The following STK40 variants were observed in gnomAD, a reference collection of about 807,000 sequenced individuals.
STK40 encodes serine/threonine-protein kinase 40.
A neutral mutation model predicts 47.9 loss-of-function variants in STK40; 13 were observed. The ratio of observed to expected loss-of-function variants is 0.27; its 90% CI spans 0.18 to 0.43. The LOEUF (loss-of-function observed/expected upper bound fraction) is 0.43. STK40 is among the 20% of genes least tolerant of loss of function. STK40 has a pLI of 1.00. For missense variants in STK40, 460 were observed against 595.1 expected (o/e 0.77, Z 2.36); for synonymous variants, 225 against 243.2 (o/e 0.93, Z 0.69).
rs566298818 is a variant in STK40, at chr1:36,354,445, T to C, written c.571-29A>G. ...TAAAACAACAGGCGTATGGTTTACA[T>C]TGTCAATGTGAGAGGTGGGGTCAGG... On this transcript the variant is annotated intron_variant, in intron 5 of 10. Coordinates refer to ENST00000373132, the MANE Select transcript of STK40 (RefSeq NM_001282547.2). The C allele has an allele frequency of 3.5e-5, 56 of 1,613,420 alleles. No individual in the cohort carries two copies. In the South Asian group the frequency reaches 3.6e-4, roughly 10 times the overall value.
intron 1 of STK40, chr1:36,362,788 TAA>T (rs2124740621): frequency 6.6e-6 from 1 of 152,342 alleles, no homozygotes; most frequent in South Asian, 2.1e-4. Context: ...TATGCTTATA[TAA>T]AGTTTTATTA....
intron 7 of STK40, among the ~76,000 whole-genome samples, chr1:36,345,991 A>ATATATATATATAT: frequency 1.1e-4 from 3 of 26,466 alleles, no homozygotes; most frequent in African/African-American, 4.2e-4. Flanking sequence ...ATATATATAT[A>ATATATATATATAT]TTTTTTTTTT....
intron 1 of STK40, among the ~76,000 whole-genome samples, chr1:36,364,855 G>A (rs991564034): frequency 6.6e-6 from 1 of 151,916 alleles, no homozygotes; most frequent in Non-Finnish European, 1.5e-5. Context: ...GACTTTTTAT[G>A]TAGTTAAATA....
At chr1:36,381,748 CAA>C (rs929358524) in intron 1 of STK40, among the ~76,000 whole-genome samples, 1 of 152,148 alleles carries the variant, frequency 6.6e-6, no homozygotes, top group Admixed American at 6.6e-5. Flanking sequence ...CTCGGCCTCC[CAA>C]AGTGTTGGGA....
intron 7 of STK40, among the ~76,000 whole-genome samples, chr1:36,345,477 G>C (rs1354249449): frequency 6.6e-6 from 1 of 152,192 alleles, no homozygotes; most frequent in Admixed American, 6.5e-5. Context: ...GTAGTTCTGT[G>C]GAAGATGAGC....
chr1:36,343,297 C>T, intron 10 of STK40, 67 bp downstream of exon 10: 1 of 1,539,140 alleles, frequency 6.5e-7, no homozygotes, highest in Non-Finnish European at 8.9e-7. Flanking sequence ...TCTGCCCTTG[C>T]CCTGCCTGCC....
At chr1:36,353,704 C>T (rs897376006) in intron 6 of STK40, among the ~76,000 whole-genome samples, 4 of 152,192 alleles carry the variant, frequency 2.6e-5, no homozygotes, top group South Asian at 4.1e-4. Flanking sequence ...AAAGGCCAAG[C>T]GCGGGCCATC....
At chr1:36,372,423 C>CAAAAAAAAAAAAAAAAAAAA (rs796595993) in intron 1 of STK40, among the ~76,000 whole-genome samples, 2 of 39,606 alleles carry the variant, frequency 5.0e-5, no homozygotes, top group Admixed American at 2.8e-4. Flanking sequence ...GACCTTGTCT[C>CAAAAAAAAAAAAAAAAAAAA]AAAAAAAAAA....
chr1:36,384,334 C>T (rs1259550362), intron 1 of STK40, among the ~76,000 whole-genome samples: 1 of 152,212 alleles, frequency 6.6e-6, no homozygotes, highest in African/African-American at 2.4e-5. Context: ...CCAGCCACTA[C>T]TAGCTTCTTT....
chr1:36,353,462 T>C (rs1646776871), intron 6 of STK40, among the ~76,000 whole-genome samples: 1 of 152,214 alleles, frequency 6.6e-6, no homozygotes, highest in Non-Finnish European at 1.5e-5. Context: ...AGGGCCGTGC[T>C]TGGTGTCCCT....
rs544832039 is a variant in STK40 at position 36,384,546 on chromosome 1, G to A, written c.-9+1177C>T. ...TATAGACGAAGACACTGAGGCACAG[G>A]GAGACTAAGCAATGTGCCCAGGTAC... On this transcript the variant is annotated intron_variant, in intron 1 of 10. Transcript: ENST00000373132. Among the ~76,000 whole-genome samples, 19 of 152,318 alleles carry A rather than the reference G, an allele frequency of 1.2e-4. No homozygotes were observed. In the South Asian group the frequency reaches 3.5e-3, roughly 28 times the overall value.
Position 36,348,781 on chromosome 1 carries a change from C to T in STK40, c.658G>A (p.Gly220Arg). The T allele has an allele frequency of 4.4e-6, 7 of 1,608,680 alleles. No individual in the cohort carries two copies. Among genetic ancestry groups the T allele is most frequent in the South Asian group, 2.2e-5 (2 of 89,916 alleles). ...HRITITNFCL[G>R]KHLVSEGDLL... The stretch of plus-strand genomic sequence containing the variant: ...TCCCCCTCGCTCACCAGATGCTTCC[C>T]GAGGCAGAAGTTGGTGATGGTTATC... Residue 220 changes from glycine (G) to arginine (R), a missense_variant, in exon 7 of 11, where the codon GGG becomes AGG. By Grantham distance (125) the Gly-to-Arg change is moderately radical (BLOSUM62 -2). Transcript: ENST00000373132.
chr1:36,372,423 C>CAAAAAAAAAAAAAAAAAAAAAAA, intron 1 of STK40, among the ~76,000 whole-genome samples: 1 of 39,608 alleles, frequency 2.5e-5, no homozygotes, highest in Non-Finnish European at 5.9e-5. Context: ...GACCTTGTCT[C>CAAAAAAAAAAAAAAAAAAAAAAA]AAAAAAAAAA....
At chr1:36,379,039 A>G (rs1035237764) in intron 1 of STK40, among the ~76,000 whole-genome samples, 3 of 152,084 alleles carry the variant, frequency 2.0e-5, no homozygotes, top group Non-Finnish European at 4.4e-5. Flanking sequence ...CACACCTCAC[A>G]TCAGCTCTGC....
At chr1:36,347,747 G>A (rs1192259891) in intron 7 of STK40, among the ~76,000 whole-genome samples, 1 of 151,862 alleles carries the variant, frequency 6.6e-6, no homozygotes, top group African/African-American at 2.4e-5. Context: ...CCACCTCCTG[G>A]GTTCAAGCGA....
intron 6 of STK40, among the ~76,000 whole-genome samples, chr1:36,352,446 C>T (rs574644739): frequency 6.6e-6 from 1 of 152,264 alleles, no homozygotes; most frequent in African/African-American, 2.4e-5. Flanking sequence ...CTTGGTACCT[C>T]AATATATGAA....
intron 1 of STK40, among the ~76,000 whole-genome samples, chr1:36,370,935 G>C (rs978277529): frequency 2.0e-5 from 3 of 150,958 alleles, no homozygotes; most frequent in Non-Finnish European, 4.4e-5. Context: ...GGAGTGCAGT[G>C]GCAAGATGTC....
rs1023453989 is a variant in STK40 at position 36,340,354 on chromosome 1, G to GT, written c.*1400dup. On this transcript the variant is annotated 3_prime_UTR_variant, in exon 11 of 11. Coordinates refer to ENST00000373132, the MANE Select transcript of STK40 (RefSeq NM_001282547.2). ...GGGAACTTGCCCAAGGTCACTCACA[G>GT]TGAGTCAGCTTTTTAGGGGGAGGAG... 1 of 152,772 alleles carries GT rather than the reference G, an allele frequency of 6.5e-6. No homozygotes were observed. Among genetic ancestry groups the GT allele is most frequent in the African/African-American group, 2.4e-5 (1 of 41,456 alleles). 9.5% of individuals were successfully genotyped at this position (152,772 alleles called of 1,614,324 possible). A position where few individuals can be genotyped will look rare whatever the true frequency, so the allele number is the denominator to read the frequency against.
At chr1:36,354,223 C>T in intron 6 of STK40, 141 bp downstream of exon 6, 1 of 859,416 alleles carries the variant, frequency 1.2e-6, no homozygotes. Flanking sequence ...TCATCCCATC[C>T]CGAGCCCTGG....
Sources: gnomAD v4.1 joint callset for allele counts (sites outside exome capture counted in the v4.1 genomes callset) on GRCh38, gnomAD v4.1.1 for gene constraint, MANE v1.5 for transcripts, NCBI Gene and HGNC (gene_info 2026-07-23, HGNC 2026-07-21) for gene names.